Variants in KDM2B observed in about 807,000 individuals in gnomAD.
The protein encoded by KDM2B is lysine-specific demethylase 2B.
In KDM2B, 26 loss-of-function variants were observed where a neutral mutation model predicts 150.0. The observed-to-expected ratio is 0.17, with a 90% confidence interval of 0.13 to 0.24. The LOEUF (loss-of-function observed/expected upper bound fraction) is 0.24. Ranked by LOEUF, KDM2B falls within the 10% of genes least tolerant of loss-of-function variation. The pLI, the probability that KDM2B is intolerant of heterozygous loss-of-function variation, is 1.00. For missense variants in KDM2B, 1,265 were observed against 1,816.9 expected, an observed-to-expected ratio of 0.70 and a Z score of 5.52; for synonymous variants, 734 against 729.5, an observed-to-expected ratio of 1.01 and a Z score of -0.10.
the KDM2B span, chr12:121,424,070 G>T: frequency 6.5e-6 from 1 of 152,926 alleles, no homozygotes; most frequent in African/African-American, 2.4e-5. Flanking sequence ...TTTGATGAAT[G>T]TAAGTTTCCA....
intron 1 of KDM2B, chr12:121,579,967 T>TAA: frequency 5.0e-6 from 6 of 1,200,018 alleles, no homozygotes; most frequent in Non-Finnish European, 5.5e-6. Flanking sequence ...AAAAGATCTA[T>TAA]CATATGCCAG....
At chr12:121,418,587 G>A in the KDM2B span, 7 of 152,368 alleles carry the variant, frequency 4.6e-5, no homozygotes, top group African/African-American at 1.7e-4. Flanking sequence ...TGGATGCGGT[G>A]GTGTGAGCCT....
intron 13 of KDM2B, among the ~76,000 whole-genome samples, chr12:121,451,295 C>T (rs1555291591): frequency 1.3e-5 from 2 of 152,054 alleles, no homozygotes; most frequent in African/African-American, 4.8e-5. Flanking sequence ...TTTTCTCTAG[C>T]TTATTTTATT....
At chr12:121,560,208 G>A (rs1410982413) in intron 4 of KDM2B, among the ~76,000 whole-genome samples, 4 of 151,800 alleles carry the variant, frequency 2.6e-5, no homozygotes, top group African/African-American at 9.7e-5. Context: ...CACTCTGTTT[G>A]AGACCAGGCT....
chr12:121,529,058 C>A (rs1361983692), intron 8 of KDM2B, among the ~76,000 whole-genome samples: 2 of 152,154 alleles, frequency 1.3e-5, no homozygotes, highest in African/African-American at 2.4e-5. Context: ...AGACCAATAT[C>A]CCTGATTAAC....
At chr12:121,576,976 C>T (rs576836316) in intron 2 of KDM2B, among the ~76,000 whole-genome samples, 4 of 152,152 alleles carry the variant, frequency 2.6e-5, no homozygotes, top group South Asian at 2.1e-4. Flanking sequence ...CAGCTCAGAT[C>T]CCCAGGGGCT....
chr12:121,521,160 A>C lies in KDM2B; in HGVS notation c.932-60T>G. 8.5e-7 allele frequency: 1 copy of C among 1,180,422 alleles called. No homozygotes were observed. Among genetic ancestry groups the C allele is most frequent in the Non-Finnish European group, 1.3e-6 (1 of 792,476 alleles). The allele number at this position is 1,180,422 out of a possible 1,614,324, so 73.1% of individuals were successfully genotyped here. The stretch of plus-strand genomic sequence containing the variant: ...TGGCCCCTGTGGGCTCCCACACCTC[A>C]CAAGGCTGCAGGGAGGGAGAGCGAG... On this transcript the variant is annotated intron_variant, in intron 8 of 22. Transcript: ENST00000377071. This position sits in a 1 kb window ranked among gnomAD's most constrained non-coding sequence, Gnocchi z 4.9.
chr12:121,532,564 C>G (rs1193694684), intron 8 of KDM2B, among the ~76,000 whole-genome samples: 1 of 152,234 alleles, frequency 6.6e-6, no homozygotes, highest in Middle Eastern at 3.2e-3. Flanking sequence ...TTCGAGTCTC[C>G]CCTGAGAGGG....
intron 9 of KDM2B, chr12:121,516,468 C>G: frequency 1.5e-6 from 2 of 1,333,166 alleles, no homozygotes; most frequent in Non-Finnish European, 2.0e-6. Flanking sequence ...AATTGACTTA[C>G]AAACAGGTTG....
chr12:121,424,720 A>AG (rs1321991813), downstream of KDM2B, among the ~76,000 whole-genome samples: 6 of 142,468 alleles, frequency 4.2e-5, no homozygotes, highest in African/African-American at 1.8e-4. Context: ...CAAAAAAAAA[A>AG]AAAAAGAAAA....
intron 22 of KDM2B, among the ~76,000 whole-genome samples, chr12:121,437,098 A>T (rs1874133783): frequency 6.6e-6 from 1 of 152,144 alleles, no homozygotes; most frequent in Non-Finnish European, 1.5e-5. Context: ...CAGAGACCAA[A>T]GGAGTCCAGG....
chr12:121,543,448 G>A (rs1888761908), intron 6 of KDM2B, among the ~76,000 whole-genome samples: 1 of 152,070 alleles, frequency 6.6e-6, no homozygotes, highest in East Asian at 1.9e-4. Context: ...ATCACTTGAG[G>A]CCAGGAGTTC....
In KDM2B at chr12:121,575,880, A is replaced by G. The variant is rs1327426750; in HGVS notation, c.272-21T>C. ...GAAATCTGTTTGGATATTTGAATTA[A>G]AACAAGTTGGTTAAGTCACGAAGGA... On this transcript the variant is annotated intron_variant, in intron 2 of 22. Transcript: ENST00000377071. The surrounding 1 kb of genome is among the most constrained non-coding windows in gnomAD (Gnocchi z 4.4). 6.3e-7 allele frequency: 1 copy of G among 1,589,896 alleles called. No homozygotes were observed. Among genetic ancestry groups the G allele is most frequent in the African/African-American group, 1.3e-5 (1 of 74,498 alleles).
At chr12:121,420,618 T>G in the KDM2B span, 2 of 1,614,176 alleles carry the variant, frequency 1.2e-6, no homozygotes, top group Non-Finnish European at 1.7e-6. Flanking sequence ...CTTCACTGTC[T>G]GACTTGTCAA....
chr12:121,574,881 T>C (rs1282420566), intron 3 of KDM2B, among the ~76,000 whole-genome samples: 1 of 152,114 alleles, frequency 6.6e-6, no homozygotes, highest in African/African-American at 2.4e-5. Flanking sequence ...AAGCTGGAAG[T>C]GTGGGGTCAA....
Position 121,479,006 on chromosome 12 carries a change from G to A in KDM2B, c.1734+15573C>T, listed in dbSNP as rs563341427. On this transcript the variant is annotated intron_variant, in intron 12 of 22. Transcript: ENST00000377071. ...GTACTGAGATTAAGGTTTGAGCCAC[G>A]GCACTGGCCTCAGGCTGTGATCTTG... 9.9e-5 allele frequency among the ~76,000 whole-genome samples: 15 copies of A among 151,812 alleles called. No homozygotes were observed. The South Asian group carries it at 2.7e-3, about 28-fold the overall frequency.
At chr12:121,418,440 A>G in the KDM2B span, 1 of 153,860 alleles carries the variant, frequency 6.5e-6, no homozygotes, top group Non-Finnish European at 1.4e-5. Flanking sequence ...TCCTGATTGA[A>G]TAACATGTAA....
chr12:121,506,936 CA>C (rs1212541940), intron 11 of KDM2B, among the ~76,000 whole-genome samples: 22 of 140,466 alleles, frequency 1.6e-4, no homozygotes, highest in South Asian at 2.3e-4. Flanking sequence ...AACTCCATCT[CA>C]AAAAAAAAAA....
chr12:121,460,717 CACTT>C (rs1188918618), intron 12 of KDM2B, among the ~76,000 whole-genome samples: 1 of 152,068 alleles, frequency 6.6e-6, no homozygotes, highest in Non-Finnish European at 1.5e-5. Flanking sequence ...CAAAAGGTAA[CACTT>C]ACTTAAGTGC....
Sources: allele counts gnomAD v4.1 joint callset (sites outside exome capture counted in the v4.1 genomes callset), GRCh38; gene constraint gnomAD v4.1.1; non-coding constraint Gnocchi (gnomAD v3.1); transcripts MANE v1.5; gene names NCBI Gene and HGNC (gene_info 2026-07-23, HGNC 2026-07-21).